The following NLGN4Y variants were observed in gnomAD, a reference collection of about 807,000 sequenced individuals.
NLGN4Y encodes neuroligin-4, Y-linked.
NLGN4Y carries 4 observed loss-of-function variants against 8.4 expected under a neutral mutation model. That is an observed-to-expected ratio of 0.48 (90% CI 0.23 to 1.09). NLGN4Y has a LOEUF of 1.09. Ranked by LOEUF, NLGN4Y falls within the 50% of genes least tolerant of loss-of-function variation. The probability of loss-of-function intolerance (pLI) is 0.19; values close to 1 mark genes in which losing one functional copy is unlikely to be tolerated. For missense variants in NLGN4Y, 90 were observed against 192.3 expected, an observed-to-expected ratio of 0.47 and a Z score of 3.15; for synonymous variants, 35 against 75.6, an observed-to-expected ratio of 0.46 and a Z score of 2.78.
At chrY:14,698,945 T>C in intron 2 of NLGN4Y, among the ~76,000 whole-genome samples, 1 of 33,193 alleles carries the variant, frequency 3.0e-5, no homozygotes, top group Admixed American at 2.8e-4. Flanking sequence ...CGATACATCC[T>C]TGTTAACTAC....
chrY:14,663,225 A>G (rs769904743), intron 2 of NLGN4Y, among the ~76,000 whole-genome samples: 1 of 33,502 alleles, frequency 3.0e-5, no homozygotes, highest in South Asian at 6.6e-4. Context: ...CTATGGCTTA[A>G]TAGTACTCTA....
At chrY:14,835,384 G>A (rs2043193966) in intron 6 of NLGN4Y, among the ~76,000 whole-genome samples, 1 of 21,871 alleles carries the variant, frequency 4.6e-5, no homozygotes, top group African/African-American at 1.9e-4. Context: ...AGGAAGGGAG[G>A]GAAAGAAGGA....
chrY:14,783,431 T>C (rs2042949109), intron 4 of NLGN4Y, among the ~76,000 whole-genome samples: 1 of 33,281 alleles, frequency 3.0e-5, no homozygotes, highest in Non-Finnish European at 7.4e-5. Flanking sequence ...TCTTCTCTGT[T>C]ACTATGCATA....
chrY:14,552,345 G>A (rs891747517), intron 1 of NLGN4Y, among the ~76,000 whole-genome samples: 1 of 33,441 alleles, frequency 3.0e-5, no homozygotes, highest in Non-Finnish European at 7.4e-5. Flanking sequence ...TTCCACCAGA[G>A]GTACAAAGAA....
chrY:14,712,149 G>GA (rs2080901607), intron 2 of NLGN4Y, among the ~76,000 whole-genome samples: 1 of 31,316 alleles, frequency 3.2e-5, no homozygotes, highest in Admixed American at 3.0e-4. Context: ...TTCAGAACAT[G>GA]AAAAAAGAAA....
intron 2 of NLGN4Y, among the ~76,000 whole-genome samples, chrY:14,670,033 A>G (rs2080705344): frequency 2.9e-5 from 1 of 34,533 alleles, no homozygotes; most frequent in Non-Finnish European, 7.3e-5. Context: ...CCATGCATGG[A>G]GCATGACAAA....
intron 1 of NLGN4Y, among the ~76,000 whole-genome samples, chrY:14,611,705 C>T (rs2080470342): frequency 3.2e-5 from 1 of 30,955 alleles, no homozygotes; most frequent in Non-Finnish European, 7.7e-5. Flanking sequence ...CTCTTTCTCT[C>T]GGGATGCTGT....
intron 1 of NLGN4Y, among the ~76,000 whole-genome samples, chrY:14,601,546 C>G: frequency 3.0e-5 from 1 of 32,976 alleles, no homozygotes; most frequent in African/African-American, 1.2e-4. Flanking sequence ...ACATTCTGTT[C>G]CCACTGGGCT....
chrY:14,748,772 A>T, intron 4 of NLGN4Y: 2 of 142,781 alleles, frequency 1.4e-5, no homozygotes, highest in Non-Finnish European at 2.8e-5. Context: ...TGTCTCTGTT[A>T]TGGTTTCTGC....
chrY:14,680,443 G>A (rs753177712), intron 2 of NLGN4Y, among the ~76,000 whole-genome samples: 2 of 32,992 alleles, frequency 6.1e-5, no homozygotes, highest in African/African-American at 1.2e-4. Context: ...AAACCTCAGC[G>A]GATTGCCATA....
intron 1 of NLGN4Y, among the ~76,000 whole-genome samples, chrY:14,589,973 A>G (rs2080361380): frequency 2.9e-5 from 1 of 34,659 alleles, no homozygotes; most frequent in African/African-American, 1.1e-4. Flanking sequence ...GTGCAGCGCC[A>G]GTGGGCCAGC....
At chrY:14,740,843 C>G in intron 4 of NLGN4Y, among the ~76,000 whole-genome samples, 1 of 33,221 alleles carries the variant, frequency 3.0e-5, no homozygotes, top group African/African-American at 1.2e-4. Context: ...AAATTAATCC[C>G]ATGTTTCTTG....
At chrY:14,527,561 C>A (rs968693354) in intron 1 of NLGN4Y, among the ~76,000 whole-genome samples, 27 of 33,895 alleles carry the variant, frequency 8.0e-4, no homozygotes, top group Non-Finnish European at 1.2e-3. Flanking sequence ...GAGTACTACA[C>A]TTTTTCAGAG....
chrY:14,812,965 T>C, intron 4 of NLGN4Y, among the ~76,000 whole-genome samples: 1 of 28,805 alleles, frequency 3.5e-5, no homozygotes, highest in South Asian at 8.8e-4. Flanking sequence ...CTTCCTTCCT[T>C]CCTCCCTCCT....
intron 2 of NLGN4Y, among the ~76,000 whole-genome samples, chrY:14,710,865 A>C: frequency 3.0e-5 from 1 of 33,843 alleles, no homozygotes; most frequent in Non-Finnish European, 7.3e-5. Flanking sequence ...TAAGGGGTGC[A>C]GAATTTTCTT....
At chrY:14,641,942 G>A in intron 2 of NLGN4Y, among the ~76,000 whole-genome samples, 1 of 33,612 alleles carries the variant, frequency 3.0e-5, no homozygotes, top group African/African-American at 1.2e-4. Context: ...ATATGATAGA[G>A]GTAATGGAAC....
intron 5 of NLGN4Y, among the ~76,000 whole-genome samples, chrY:14,825,182 T>C: frequency 1.6e-4 from 5 of 31,714 alleles, no homozygotes; most frequent in Admixed American, 8.7e-4. Context: ...AGGAATAGTG[T>C]CTCTCTCCCT....
chrY:14,524,734 C>A, intron 1 of NLGN4Y, 26 bp downstream of exon 1: 1 of 120,136 alleles, frequency 8.3e-6, no homozygotes, highest in Non-Finnish European at 1.8e-5. Context: ...CTGCAGATGA[C>A]GAGTGGGTTG....
chrY:14,731,175 C>T, intron 4 of NLGN4Y, among the ~76,000 whole-genome samples: 2 of 31,840 alleles, frequency 6.3e-5, no homozygotes, highest in Non-Finnish European at 1.5e-4. Flanking sequence ...GCTGGGATTA[C>T]AGACCTGCAC....
Sources: gnomAD v4.1 joint callset for allele counts (sites outside exome capture counted in the v4.1 genomes callset) on GRCh38, gnomAD v4.1.1 for gene constraint, MANE v1.5 for transcripts, NCBI Gene and HGNC (gene_info 2026-07-23, HGNC 2026-07-21) for gene names.